Variants in ARID5B observed in about 807,000 individuals in gnomAD.
ARID5B encodes the protein AT-rich interactive domain-containing protein 5B.
A neutral mutation model predicts 97.2 loss-of-function variants in ARID5B; 13 were observed. The observed-to-expected ratio is 0.13, with a 90% CI of 0.09 to 0.21. The LOEUF (loss-of-function observed/expected upper bound fraction) is 0.21. Ranked by LOEUF, ARID5B falls within the 10% of genes least tolerant of loss-of-function variation. The pLI, the probability that ARID5B is intolerant of heterozygous loss-of-function variation, is 1.00. For missense variants in ARID5B, 1,210 were observed against 1,465.3 expected, an observed-to-expected ratio of 0.83 and a Z score of 2.84; for synonymous variants, 556 against 570.3, an observed-to-expected ratio of 0.97 and a Z score of 0.36.
At chr10:61,991,041 T>TACACACAC (rs397802272) in intron 3 of ARID5B, among the ~76,000 whole-genome samples, 34,679 of 144,906 alleles carry the variant, frequency 0.24, 4,204 homozygotes, top group South Asian at 0.26. Context: ...ATTTATCCTG[T>TACACACAC]ACACACACAC....
At chr10:62,054,380 A>G (rs1398190178) in intron 5 of ARID5B, among the ~76,000 whole-genome samples, 3 of 152,006 alleles carry the variant, frequency 2.0e-5, no homozygotes, top group African/African-American at 7.3e-5. Context: ...TAAAGAGCTC[A>G]TTTATCTTAA....
intron 4 of ARID5B, among the ~76,000 whole-genome samples, chr10:62,043,768 G>C (rs1001178755): frequency 6.6e-6 from 1 of 152,174 alleles, no homozygotes; most frequent in African/African-American, 2.4e-5. Flanking sequence ...CTAAAACCTT[G>C]ATCAGGAGCA....
intron 8 of ARID5B, among the ~76,000 whole-genome samples, chr10:62,075,262 AT>A (rs1033161931): frequency 6.6e-6 from 1 of 152,206 alleles, no homozygotes; most frequent in South Asian, 2.1e-4. Flanking sequence ...TTTTCAAGAT[AT>A]TTTTTTAATG....
chr10:62,004,397 G>A (rs551328943), intron 4 of ARID5B, among the ~76,000 whole-genome samples: 30 of 152,260 alleles, frequency 2.0e-4, no homozygotes, highest in African/African-American at 6.7e-4. Context: ...TTTTTAAAAC[G>A]AAAGCAACAG....
Position 62,029,735 on chromosome 10 carries a change from G to A in ARID5B, c.734-21153G>A, listed in dbSNP as rs1305144748. 2.6e-5 allele frequency among the ~76,000 whole-genome samples: 4 copies of A among 152,278 alleles called. No individual in the cohort carries two copies. The South Asian group carries it at 6.2e-4, about 24-fold the overall frequency. On this transcript the variant is annotated intron_variant, in intron 4 of 9. Coordinates refer to ENST00000279873, the MANE Select transcript of ARID5B (RefSeq NM_032199.3). ...TCCAGTAAAAGAGGGAGATCACCTC[G>A]TAACAAATTCTGCCCTTATTTAGTT...
intron 3 of ARID5B, among the ~76,000 whole-genome samples, chr10:61,996,955 A>G (rs559897579): frequency 1.3e-5 from 2 of 152,106 alleles, no homozygotes; most frequent in African/African-American, 4.8e-5. Flanking sequence ...GTCTTCGCAA[A>G]AAAGTAAACT....
At chr10:61,995,562 T>C (rs1026330650) in intron 3 of ARID5B, among the ~76,000 whole-genome samples, 2 of 152,142 alleles carry the variant, frequency 1.3e-5, no homozygotes, top group Admixed American at 6.5e-5. Context: ...ATTTTAGATC[T>C]GGAAATCTCT....
intron 3 of ARID5B, among the ~76,000 whole-genome samples, chr10:61,942,941 C>G (rs1844437693): frequency 6.6e-6 from 1 of 152,082 alleles, no homozygotes; most frequent in Non-Finnish European, 1.5e-5. Flanking sequence ...GAGGCTCTCT[C>G]CTGGGGCACA....
At chr10:61,924,959 T>G (rs565612619) in intron 2 of ARID5B, among the ~76,000 whole-genome samples, 1 of 152,238 alleles carries the variant, frequency 6.6e-6, no homozygotes, top group African/African-American at 2.4e-5. Context: ...ATCCCAGCAC[T>G]CTAGGAAGCT....
At chr10:61,930,014 G>A (rs1031908749) in intron 2 of ARID5B, among the ~76,000 whole-genome samples, 1 of 152,184 alleles carries the variant, frequency 6.6e-6, no homozygotes, top group Non-Finnish European at 1.5e-5. Flanking sequence ...TGATAACAAG[G>A]GACTAGAGTG....
At chr10:61,920,678 A>G (rs1357010696) in intron 2 of ARID5B, among the ~76,000 whole-genome samples, 1 of 152,198 alleles carries the variant, frequency 6.6e-6, no homozygotes, top group Non-Finnish European at 1.5e-5. Context: ...TTAAGGGCAT[A>G]ACATAATATT....
chr10:61,943,852 A>G (rs74156291), intron 3 of ARID5B, among the ~76,000 whole-genome samples: 2,573 of 152,198 alleles, frequency 0.017, 75 homozygotes, highest in African/African-American at 0.059. Flanking sequence ...CTCTGATTCA[A>G]ATCACAACTC....
intron 4 of ARID5B, among the ~76,000 whole-genome samples, chr10:62,015,300 T>C (rs1839269570): frequency 6.6e-6 from 1 of 152,198 alleles, no homozygotes; most frequent in South Asian, 2.1e-4. Flanking sequence ...ATTGTTACCT[T>C]CTCTGGTTTT....
At chr10:61,915,202 C>T (rs17214506) in intron 2 of ARID5B, among the ~76,000 whole-genome samples, 36 of 152,140 alleles carry the variant, frequency 2.4e-4, no homozygotes, top group African/African-American at 7.9e-4. Flanking sequence ...GTACCTCCAG[C>T]GTGACTTTGT....
At chr10:61,920,702 TATAAC>T (rs770323714) in intron 2 of ARID5B, among the ~76,000 whole-genome samples, 3 of 152,138 alleles carry the variant, frequency 2.0e-5, no homozygotes, top group South Asian at 2.1e-4. Context: ...CTTGAAAAAA[TATAAC>T]ATTTATATTT....
At chr10:61,954,786 C>T (rs1335283034) in intron 3 of ARID5B, among the ~76,000 whole-genome samples, 1 of 152,150 alleles carries the variant, frequency 6.6e-6, no homozygotes, top group Non-Finnish European at 1.5e-5. Flanking sequence ...GCAGGTGGAT[C>T]ACCTGAGGTC....
intron 4 of ARID5B, among the ~76,000 whole-genome samples, chr10:62,017,316 G>A (rs2132886750): frequency 6.6e-6 from 1 of 152,224 alleles, no homozygotes; most frequent in South Asian, 2.1e-4. Context: ...AGCCAGGTGT[G>A]GTGACATGCC....
At chr10:61,969,370 A>G (rs376038522) in intron 3 of ARID5B, among the ~76,000 whole-genome samples, 1 of 152,328 alleles carries the variant, frequency 6.6e-6, no homozygotes, top group African/African-American at 2.4e-5. Flanking sequence ...AGCCTTCTGC[A>G]TATGGAAAAG....
intron 3 of ARID5B, among the ~76,000 whole-genome samples, chr10:61,988,936 C>CTTTTTTTTTTTTTTTTT (rs61016394): frequency 2.5e-5 from 3 of 122,262 alleles, no homozygotes; most frequent in Non-Finnish European, 4.8e-5. Flanking sequence ...TTTTCTTTTA[C>CTTTTTTTTTTTTTTTTT]TTTTTTTTTT....
Sources: allele counts gnomAD v4.1 joint callset (sites outside exome capture counted in the v4.1 genomes callset), GRCh38; gene constraint gnomAD v4.1.1; transcripts MANE v1.5; gene names NCBI Gene and HGNC (gene_info 2026-07-23, HGNC 2026-07-21).